The following NCKAP5 variants were observed in gnomAD, a reference collection of about 807,000 sequenced individuals.
NCKAP5 encodes nck-associated protein 5.
Under a neutral mutation model 167.0 loss-of-function variants are expected in NCKAP5, and 92 were observed. The observed-to-expected ratio is 0.55, with a 90% CI of 0.47 to 0.66. The LOEUF (loss-of-function observed/expected upper bound fraction) is 0.66, where lower values mean the gene tolerates loss of function less well. Among genes scored for constraint, NCKAP5 ranks in the 30% least tolerant of loss-of-function variants. NCKAP5 has a pLI of 0.00. For missense variants in NCKAP5, 2,378 were observed against 2,315.0 expected, an observed-to-expected ratio of 1.03 and a Z score of -0.56; for synonymous variants, 891 against 877.4, an observed-to-expected ratio of 1.02 and a Z score of -0.27.
At chr2:133,670,264 A>G in the NCKAP5 span, among the ~76,000 whole-genome samples, 1 of 152,228 alleles carries the variant, frequency 6.6e-6, no homozygotes, top group Non-Finnish European at 1.5e-5. Context: ...TGCAGGGCTT[A>G]TAATAAGCCC....
chr2:133,342,006 T>C (rs1041085209), intron 3 of NCKAP5, among the ~76,000 whole-genome samples: 1 of 152,134 alleles, frequency 6.6e-6, no homozygotes, highest in Non-Finnish European at 1.5e-5. Context: ...CGGTGCGATC[T>C]CGACTTACTG....
chr2:132,847,212 G>A (rs1054311248), intron 11 of NCKAP5, among the ~76,000 whole-genome samples: 3 of 152,146 alleles, frequency 2.0e-5, no homozygotes, highest in Non-Finnish European at 4.4e-5. Flanking sequence ...AGAGATGTGG[G>A]AAATATGGGG....
At chr2:133,053,109 A>G (rs1301152291) in intron 6 of NCKAP5, among the ~76,000 whole-genome samples, 1 of 152,166 alleles carries the variant, frequency 6.6e-6, no homozygotes, top group East Asian at 1.9e-4. Flanking sequence ...TGATAAAACC[A>G]AGTACCTGCT....
At chr2:133,197,193 G>A (rs954845800) in intron 5 of NCKAP5, among the ~76,000 whole-genome samples, 5 of 152,156 alleles carry the variant, frequency 3.3e-5, no homozygotes, top group African/African-American at 7.2e-5. Flanking sequence ...CCATAAAGTC[G>A]TGCATGAAGT....
At chr2:133,017,916 G>C (rs1336896647) in intron 6 of NCKAP5, among the ~76,000 whole-genome samples, 1 of 152,128 alleles carries the variant, frequency 6.6e-6, no homozygotes, top group African/African-American at 2.4e-5. Flanking sequence ...AAAAACGAAA[G>C]AGCAGCAAAT....
At chr2:133,327,646 T>C (rs1682545442) in intron 3 of NCKAP5, among the ~76,000 whole-genome samples, 1 of 152,222 alleles carries the variant, frequency 6.6e-6, no homozygotes, top group African/African-American at 2.4e-5. Context: ...AAAACAGTAT[T>C]TGTTAAGGTT....
At chr2:133,297,165 C>CTGTG (rs1224146505) in intron 4 of NCKAP5, among the ~76,000 whole-genome samples, 17 of 122,268 alleles carry the variant, frequency 1.4e-4, no homozygotes, top group African/African-American at 2.2e-4. Flanking sequence ...CAGGTTGTCA[C>CTGTG]AGTGTGTGTG....
intron 3 of NCKAP5, among the ~76,000 whole-genome samples, chr2:133,351,253 G>A (rs1490225414): frequency 2.6e-5 from 4 of 152,094 alleles, no homozygotes; most frequent in African/African-American, 7.2e-5. Flanking sequence ...ACCACTCACA[G>A]GGTTTTCTCT....
chr2:133,402,523 T>C (rs1688167411), intron 3 of NCKAP5, among the ~76,000 whole-genome samples: 2 of 152,138 alleles, frequency 1.3e-5, no homozygotes, highest in South Asian at 2.1e-4. Flanking sequence ...AAACCTCATG[T>C]TGAAATGTGA....
intron 4 of NCKAP5, among the ~76,000 whole-genome samples, chr2:133,242,864 TAG>T (rs2087785597): frequency 6.6e-6 from 1 of 152,164 alleles, no homozygotes; most frequent in African/African-American, 2.4e-5. Context: ...GCCTACATGA[TAG>T]AGTACTTTGT....
chr2:132,771,997 C>T (rs114324831), intron 16 of NCKAP5, among the ~76,000 whole-genome samples: 2,905 of 151,900 alleles, frequency 0.019, 81 homozygotes, highest in African/African-American at 0.065. Flanking sequence ...GGCCGATACT[C>T]GTATTTTTTT....
intron 5 of NCKAP5, among the ~76,000 whole-genome samples, chr2:133,213,266 AAAATATATTGC>A (rs2150170732): frequency 6.6e-6 from 1 of 152,318 alleles, no homozygotes; most frequent in South Asian, 2.1e-4. Flanking sequence ...AGGACAAGGA[AAAATATATTGC>A]AAATAGTGAA....
chr2:133,233,026 C>G (rs762801706), intron 4 of NCKAP5, among the ~76,000 whole-genome samples: 1 of 152,128 alleles, frequency 6.6e-6, no homozygotes, highest in Non-Finnish European at 1.5e-5. Flanking sequence ...AACTGACTGG[C>G]TTCTGTGTTA....
intron 19 of NCKAP5, among the ~76,000 whole-genome samples, chr2:132,689,222 C>G (rs10496690): frequency 0.03 from 4,527 of 152,104 alleles, 225 homozygotes; most frequent in African/African-American, 0.1. Flanking sequence ...ACTCAAAGAA[C>G]TGGCTCCAAG....
the NCKAP5 span, among the ~76,000 whole-genome samples, chr2:133,672,956 C>T: frequency 2.0e-5 from 3 of 152,248 alleles, no homozygotes; most frequent in East Asian, 5.8e-4. Flanking sequence ...GAACTCCTCT[C>T]AGCTCTAATT....
chr2:133,459,030 A>G lies in NCKAP5; in HGVS notation c.69+58428T>C, dbSNP rs142414889. Among the ~76,000 whole-genome samples, 78 of 152,228 alleles carry G rather than the reference A, an allele frequency of 5.1e-4. 1 individual carries two copies. The East Asian group carries it at 0.014, about 27-fold the overall frequency. Reference sequence around the variant, plus strand: ...CTAGTCCATCTTTGGCTAGTGATGGACCTTCCTCGGCTTTACCTGAACTCT... The same window carrying G: ...CTAGTCCATCTTTGGCTAGTGATGGGCCTTCCTCGGCTTTACCTGAACTCT... On this transcript the variant is annotated intron_variant, in intron 3 of 19. Coordinates refer to ENST00000409261, the MANE Select transcript of NCKAP5 (RefSeq NM_207363.3).
chr2:133,530,882 A>G (rs1685306519), intron 2 of NCKAP5, among the ~76,000 whole-genome samples: 1 of 152,204 alleles, frequency 6.6e-6, no homozygotes, highest in Non-Finnish European at 1.5e-5. Flanking sequence ...ACCAACTGCC[A>G]GATACCTGGT....
Position 132,730,758 on chromosome 2 carries a change from A to G in NCKAP5, c.5443+979T>C, listed in dbSNP as rs570175250. 5.3e-5 allele frequency among the ~76,000 whole-genome samples: 8 copies of G among 152,344 alleles called. No individual in the cohort carries two copies. In the East Asian group the frequency reaches 1.4e-3, roughly 26 times the overall value. ...CCCCTGAATCTCTGGAGGCTGTGTC[A>G]TTAATTAACAACACATTTATCTCAA... On this transcript the variant is annotated intron_variant, in intron 17 of 19. Coordinates refer to ENST00000409261, the MANE Select transcript of NCKAP5 (RefSeq NM_207363.3).
intron 19 of NCKAP5, among the ~76,000 whole-genome samples, chr2:132,673,670 G>A (rs574203097): frequency 1.3e-5 from 2 of 151,894 alleles, no homozygotes; most frequent in Non-Finnish European, 2.9e-5. Context: ...AATATGAGTA[G>A]GTATTGAATT....
Sources: allele counts gnomAD v4.1 joint callset (sites outside exome capture counted in the v4.1 genomes callset), GRCh38; gene constraint gnomAD v4.1.1; transcripts MANE v1.5; gene names NCBI Gene and HGNC (gene_info 2026-07-23, HGNC 2026-07-21).